The following DSCAML1 variants were observed in gnomAD, a reference collection of about 807,000 sequenced individuals.
The protein encoded by DSCAML1 is DS cell adhesion molecule like 1, also known as cell adhesion molecule DSCAML1.
In DSCAML1, 38 loss-of-function variants were observed where a neutral mutation model predicts 200.5. The ratio of observed to expected loss-of-function variants is 0.19; its 90% CI spans 0.15 to 0.25. The LOEUF is 0.25. Among genes scored for constraint, DSCAML1 ranks in the 10% least tolerant of loss-of-function variants. The pLI is 1.00. For missense variants in DSCAML1, 2,223 were observed against 2,858.8 expected, an observed-to-expected ratio of 0.78 and a Z score of 5.07; for synonymous variants, 1,215 against 1,165.0, an observed-to-expected ratio of 1.04 and a Z score of -0.87.
intron 1 of DSCAML1, among the ~76,000 whole-genome samples, chr11:117,813,519 T>C (rs1297065497): frequency 1.3e-5 from 2 of 152,258 alleles, no homozygotes; most frequent in East Asian, 1.9e-4. Context: ...CTGGCAGGAC[T>C]ATGCTGAATC....
intron 3 of DSCAML1, among the ~76,000 whole-genome samples, chr11:117,706,660 T>C (rs982956027): frequency 1.3e-5 from 2 of 152,190 alleles, no homozygotes; most frequent in Non-Finnish European, 2.9e-5. Flanking sequence ...GTGTGCAGCA[T>C]TGGGGAGGAA....
At chr11:117,581,653 A>G (rs12295842) in intron 3 of DSCAML1, among the ~76,000 whole-genome samples, 10,139 of 152,190 alleles carry the variant, frequency 0.067, 1,128 homozygotes, top group African/African-American at 0.23. Flanking sequence ...TTTTACATGC[A>G]TATGTTATCT....
intron 3 of DSCAML1, among the ~76,000 whole-genome samples, chr11:117,705,249 AG>A (rs2053739912): frequency 6.6e-6 from 1 of 152,200 alleles, no homozygotes; most frequent in Non-Finnish European, 1.5e-5. Flanking sequence ...GAGGCCGGGT[AG>A]TGCTTGGTGG....
chr11:117,802,176 G>C (rs987813674), upstream of DSCAML1: 4 of 152,198 alleles, frequency 2.6e-5, no homozygotes, highest in South Asian at 8.3e-4. Flanking sequence ...TTCTACACTG[G>C]AAAACCTTCA....
chr11:117,530,309 CAAAT>C (rs2050052223), intron 4 of DSCAML1, among the ~76,000 whole-genome samples: 2 of 152,030 alleles, frequency 1.3e-5, no homozygotes, highest in Admixed American at 1.3e-4. Flanking sequence ...ATGAAGGGGC[CAAAT>C]ATTCACGGAG....
At chr11:117,485,844 G>A (rs1162956674) in intron 11 of DSCAML1, among the ~76,000 whole-genome samples, 1 of 152,210 alleles carries the variant, frequency 6.6e-6, no homozygotes, top group African/African-American at 2.4e-5. Flanking sequence ...GGCAAAAGAG[G>A]ACCTGGCCAG....
rs1486913099 is a variant in DSCAML1, at chr11:117,469,704, G to A, written c.3024+206C>T. ...GCCTCCATCAGAGAACCAGGGAGGA[G>A]AGGGAAGTGGGGATTATTGTGCTGG... On this transcript the variant is annotated intron_variant, in intron 16 of 32. Coordinates refer to ENST00000651296, the MANE Select transcript of DSCAML1 (RefSeq NM_020693.4). The surrounding 1 kb of genome is among the most constrained non-coding windows in gnomAD (Gnocchi z 4.1). Among the ~76,000 whole-genome samples, 1 of 152,154 alleles carries A rather than the reference G, an allele frequency of 6.6e-6. No individual in the cohort carries two copies. The highest frequency in any genetic ancestry group is 1.5e-5 in the Non-Finnish European group (1 of 68,042).
At chr11:117,797,592 C>T (rs1406387786), upstream of DSCAML1, among the ~76,000 whole-genome samples, 1 of 147,640 alleles carries the variant, frequency 6.8e-6, no homozygotes, top group African/African-American at 2.5e-5. Context: ...CTTACCCGGC[C>T]CCCCCACCCT....
rs1326788167 is a variant in DSCAML1 at position 117,458,700 on chromosome 11, G to T, written c.3568+54C>A. The T allele has an allele frequency of 2.6e-5, 41 of 1,594,586 alleles. 1 individual carries two copies. In the Admixed American group the frequency reaches 7.0e-4, roughly 27 times the overall value. On this transcript the variant is annotated intron_variant, in intron 19 of 32. Transcript: ENST00000651296. ...ACCCTGCCTCCTGGGGTGGGGCTGG[G>T]GGTTAGCAGTGGGTGGCAGGGCCAG... is the stretch of plus-strand genomic sequence containing the variant.
intron 3 of DSCAML1, among the ~76,000 whole-genome samples, chr11:117,712,997 G>A (rs1231831718): frequency 3.9e-5 from 6 of 151,930 alleles, no homozygotes; most frequent in South Asian, 2.1e-4. Flanking sequence ...GCAGCAACCC[G>A]TAACCCCCCA....
chr11:117,627,588 G>A (rs1044432652), intron 3 of DSCAML1, among the ~76,000 whole-genome samples: 15 of 152,228 alleles, frequency 9.9e-5, no homozygotes, highest in Middle Eastern at 3.4e-3. Flanking sequence ...TGTAAAGCCC[G>A]TCTGCTGCCC....
At chr11:117,721,852 C>T (rs1277006018) in intron 3 of DSCAML1, among the ~76,000 whole-genome samples, 1 of 149,440 alleles carries the variant, frequency 6.7e-6, no homozygotes, top group Non-Finnish European at 1.5e-5. Context: ...GTCGCCCAGG[C>T]TGGAGTGCAG....
At chr11:117,746,399 T>C (rs1481488745) in intron 3 of DSCAML1, among the ~76,000 whole-genome samples, 1 of 152,030 alleles carries the variant, frequency 6.6e-6, no homozygotes, top group South Asian at 2.1e-4. Context: ...CCCCAGCTGG[T>C]AGTGTGGTTG....
intron 3 of DSCAML1, among the ~76,000 whole-genome samples, chr11:117,631,576 C>A (rs1306078841): frequency 6.6e-6 from 1 of 152,230 alleles, no homozygotes; most frequent in East Asian, 1.9e-4. Context: ...GGGACAGTTA[C>A]ATTTTGAAAG....
At chr11:117,561,700 CT>C (rs1293944127) in intron 3 of DSCAML1, among the ~76,000 whole-genome samples, 4 of 152,218 alleles carry the variant, frequency 2.6e-5, no homozygotes, top group Non-Finnish European at 4.4e-5. Flanking sequence ...TCTAGCTCAG[CT>C]TTACTTCTAC....
chr11:117,578,841 C>A (rs1311250640), intron 3 of DSCAML1, among the ~76,000 whole-genome samples: 1 of 152,144 alleles, frequency 6.6e-6, no homozygotes, highest in Non-Finnish European at 1.5e-5. Context: ...CTACTCTTTA[C>A]CTCCACCTGA....
At chr11:117,580,016 C>T (rs773886019) in intron 3 of DSCAML1, among the ~76,000 whole-genome samples, 5 of 152,112 alleles carry the variant, frequency 3.3e-5, no homozygotes, top group Admixed American at 6.5e-5. Flanking sequence ...CCTGGAGACA[C>T]GGTAAATTCC....
rs2047932938 is a variant in DSCAML1, at chr11:117,437,077, C to T, written c.4720+45G>A. 3 of 1,580,238 alleles carry T rather than the reference C, an allele frequency of 1.9e-6. No homozygotes were observed. The highest frequency in any genetic ancestry group is 1.7e-4 in the Middle Eastern group (1 of 5,906). On this transcript the variant is annotated intron_variant, in intron 26 of 32. Transcript: ENST00000651296. The surrounding 1 kb of genome is among the most constrained non-coding windows in gnomAD (Gnocchi z 5.3). ...CACTCTGCCCACTTCCTTCGCACCACCCTGCTCCAGCCTCTGTACCATCCC... is the reference window on the plus strand; with the variant it reads ...CACTCTGCCCACTTCCTTCGCACCATCCTGCTCCAGCCTCTGTACCATCCC...
intron 3 of DSCAML1, among the ~76,000 whole-genome samples, chr11:117,572,302 A>G (rs2050860346): frequency 6.6e-6 from 1 of 152,174 alleles, no homozygotes; most frequent in Non-Finnish European, 1.5e-5. Context: ...GGTTTTCACA[A>G]GGGTTTGCTC....
Sources: allele counts gnomAD v4.1 joint callset (sites outside exome capture counted in the v4.1 genomes callset), GRCh38; gene constraint gnomAD v4.1.1; non-coding constraint Gnocchi (gnomAD v3.1); transcripts MANE v1.5; gene names NCBI Gene and HGNC (gene_info 2026-07-23, HGNC 2026-07-21).